MBD5: variants seen among roughly 807,000 people sequenced by gnomAD.
The protein encoded by MBD5 is methyl-CpG-binding domain protein 5.
MBD5 carries 13 observed loss-of-function variants against 117.3 expected under a neutral mutation model. That is an observed-to-expected ratio of 0.11 (90% CI 0.07 to 0.18). The LOEUF is 0.18. Among genes scored for constraint, MBD5 ranks in the 10% least tolerant of loss-of-function variants. The pLI is 1.00. For missense variants in MBD5, 1,879 were observed against 2,093.8 expected (o/e 0.90, Z 2.00); for synonymous variants, 727 against 766.4 (o/e 0.95, Z 0.85).
intron 4 of MBD5, among the ~76,000 whole-genome samples, chr2:148,418,208 A>G (rs537004534): frequency 9.9e-5 from 15 of 152,168 alleles, no homozygotes; most frequent in South Asian, 4.1e-4. Flanking sequence ...TTTCAGATGC[A>G]TAGTTTGCAA....
At chr2:148,238,593 A>G (rs939737651) in intron 3 of MBD5, among the ~76,000 whole-genome samples, 2 of 152,208 alleles carry the variant, frequency 1.3e-5, no homozygotes, top group African/African-American at 4.8e-5. Flanking sequence ...ACAAATTACC[A>G]TAAATTGTGT....
chr2:148,040,593 TA>T (rs920595532), intron 1 of MBD5, among the ~76,000 whole-genome samples: 2 of 152,212 alleles, frequency 1.3e-5, no homozygotes, highest in Non-Finnish European at 2.9e-5. Flanking sequence ...GATAGCTTTT[TA>T]AAAAATATAG....
chr2:148,302,747 C>A (rs1248044484), intron 3 of MBD5, among the ~76,000 whole-genome samples: 1 of 151,882 alleles, frequency 6.6e-6, no homozygotes, highest in Non-Finnish European at 1.5e-5. Context: ...TGATCCACCT[C>A]AGCCTTCCGA....
chr2:148,281,687 C>G (rs995653011), intron 3 of MBD5, among the ~76,000 whole-genome samples: 2 of 151,788 alleles, frequency 1.3e-5, no homozygotes, highest in Non-Finnish European at 2.9e-5. Flanking sequence ...TTTTTTTTCT[C>G]TCTATCTCTA....
intron 11 of MBD5, among the ~76,000 whole-genome samples, chr2:148,498,038 C>T (rs781724432): frequency 6.6e-6 from 1 of 152,146 alleles, no homozygotes; most frequent in Non-Finnish European, 1.5e-5. Context: ...TAAGCCAGGT[C>T]GCAACCCTGG....
chr2:148,242,330 T>C (rs1700232298), intron 3 of MBD5, among the ~76,000 whole-genome samples: 1 of 151,788 alleles, frequency 6.6e-6, no homozygotes, highest in Non-Finnish European at 1.5e-5. Context: ...ATTAAATATG[T>C]AAGGTAAGTT....
intron 4 of MBD5, among the ~76,000 whole-genome samples, chr2:148,450,775 A>T (rs1011487519): frequency 6.6e-6 from 1 of 152,202 alleles, no homozygotes; most frequent in Non-Finnish European, 1.5e-5. Flanking sequence ...GATGGAAGGA[A>T]CTGCAATTTT....
chr2:148,407,164 C>T (rs1326009760), intron 4 of MBD5, among the ~76,000 whole-genome samples: 1 of 152,248 alleles, frequency 6.6e-6, no homozygotes, highest in South Asian at 2.1e-4. Flanking sequence ...GAACCAATAA[C>T]TCTTATGAAT....
At chr2:148,163,444 G>A (rs557319460) in intron 1 of MBD5, among the ~76,000 whole-genome samples, 8 of 151,550 alleles carry the variant, frequency 5.3e-5, no homozygotes, top group African/African-American at 1.9e-4. Context: ...TTTTCAAGAC[G>A]GAGTTTCGCT....
chr2:148,127,291 A>AACCAT (rs1696925226), intron 1 of MBD5, among the ~76,000 whole-genome samples: 1 of 152,154 alleles, frequency 6.6e-6, no homozygotes, highest in Non-Finnish European at 1.5e-5. Context: ...TTGGTTACAT[A>AACCAT]GGTAAACGTG....
chr2:148,373,951 A>G (rs997703642), intron 4 of MBD5, among the ~76,000 whole-genome samples: 1 of 152,144 alleles, frequency 6.6e-6, no homozygotes, highest in African/African-American at 2.4e-5. Flanking sequence ...AAATGCCCCA[A>G]AATCAGAAAC....
At chr2:148,303,328 C>A (rs1017952021) in intron 3 of MBD5, among the ~76,000 whole-genome samples, 1 of 152,168 alleles carries the variant, frequency 6.6e-6, no homozygotes. Context: ...AAAGGCACAG[C>A]ATTTGGTTGC....
chr2:148,093,038 C>T (rs1260707566), intron 1 of MBD5, among the ~76,000 whole-genome samples: 1 of 151,932 alleles, frequency 6.6e-6, no homozygotes, highest in Non-Finnish European at 1.5e-5. Context: ...CTGTCTCAGC[C>T]TCTCGCGTAG....
intron 8 of MBD5, among the ~76,000 whole-genome samples, chr2:148,480,870 TA>T (rs796949348): frequency 8.6e-5 from 13 of 150,924 alleles, no homozygotes; most frequent in Non-Finnish European, 1.5e-4. Context: ...ACTGAAAACT[TA>T]AAAAAAAATA....
intron 4 of MBD5, among the ~76,000 whole-genome samples, chr2:148,420,567 TG>T (rs1705569241): frequency 6.6e-6 from 1 of 152,238 alleles, no homozygotes; most frequent in Non-Finnish European, 1.5e-5. Context: ...TGTGTATTTG[TG>T]TATATGTTTT....
intron 4 of MBD5, among the ~76,000 whole-genome samples, chr2:148,392,323 A>C (rs907479916): frequency 6.6e-6 from 1 of 152,192 alleles, no homozygotes; most frequent in African/African-American, 2.4e-5. Flanking sequence ...CTATTTCTTT[A>C]TGATATTATA....
rs562004426 is a variant in MBD5, at chr2:148,403,665, A to T, written c.-556-54538A>T. Among the ~76,000 whole-genome samples, 24 of 152,290 alleles carry T rather than the reference A, an allele frequency of 1.6e-4. No individual in the cohort carries two copies. In the East Asian group the frequency reaches 4.4e-3, roughly 28 times the overall value. ...TCCTTCAATGGCAACATCTGGTAAA[A>T]TTGTAGTAAAAAATCACAACCAGAA... On this transcript the variant is annotated intron_variant, in intron 4 of 13. Transcript: ENST00000642680.
chr2:148,460,757 T>G (rs1313817163), intron 5 of MBD5, among the ~76,000 whole-genome samples: 5 of 152,244 alleles, frequency 3.3e-5, no homozygotes, highest in African/African-American at 1.2e-4. Context: ...GGAAATGTTT[T>G]TAAAGCATCT....
At chr2:148,034,523 G>A (rs1391220360) in intron 1 of MBD5, among the ~76,000 whole-genome samples, 3 of 152,124 alleles carry the variant, frequency 2.0e-5, no homozygotes, top group Admixed American at 6.5e-5. Context: ...GTCTTAATAT[G>A]TAATTCTTCT....
Sources: gnomAD v4.1 joint callset for allele counts (sites outside exome capture counted in the v4.1 genomes callset) on GRCh38, gnomAD v4.1.1 for gene constraint, MANE v1.5 for transcripts, NCBI Gene and HGNC (gene_info 2026-07-23, HGNC 2026-07-21) for gene names.